Variants in PRELID3B observed in about 807,000 individuals in gnomAD.
PRELID3B encodes PRELI domain containing 3B.
PRELID3B carries 15 observed loss-of-function variants against 24.0 expected under a neutral mutation model. That is an observed-to-expected ratio of 0.63 (90% CI 0.42 to 0.96). PRELID3B has a LOEUF of 0.96. PRELID3B is among the 40% of genes least tolerant of loss of function. PRELID3B has a pLI of 0.00. For missense variants in PRELID3B, 189 were observed against 236.0 expected (o/e 0.80, Z 1.30); for synonymous variants, 62 against 76.0 (o/e 0.82, Z 0.96).
rs767152423 is a variant in PRELID3B, at chr20:59,040,385, C to T, written c.33-1751G>A. Among the ~76,000 whole-genome samples, 1 of 152,222 alleles carries T rather than the reference C, an allele frequency of 6.6e-6. No individual in the cohort carries two copies. Among genetic ancestry groups the T allele is most frequent in the South Asian group, 2.1e-4 (1 of 4,836 alleles). ...GAGGACCTGGCTATGGCTCACTGAC[C>T]GGTCCAACTTCTTCACCTTTGAAAC... On this transcript the variant is annotated intron_variant, in intron 1 of 5. Transcript: ENST00000355937. The surrounding 1 kb of genome is among the most constrained non-coding windows in gnomAD (Gnocchi z 4.1).
chr20:59,035,809 C>T lies in PRELID3B; in HGVS notation c.465+662G>A, dbSNP rs187261762. 2.6e-5 allele frequency among the ~76,000 whole-genome samples: 4 copies of T among 152,324 alleles called. No homozygotes were observed. In the East Asian group the frequency reaches 7.7e-4, roughly 29 times the overall value. On this transcript the variant is annotated intron_variant, in intron 5 of 5. Coordinates refer to ENST00000355937, the MANE Select transcript of PRELID3B (RefSeq NM_016045.3). Reference sequence around the variant, plus strand: ...CATTTGTTTTGCTCCCTGCTGTATACCCTGTCTAGCCTAGCACTCTGCATG... The same window carrying T: ...CATTTGTTTTGCTCCCTGCTGTATATCCTGTCTAGCCTAGCACTCTGCATG...
Position 59,038,363 on chromosome 20 carries a change from A to G in PRELID3B, c.201+103T>C. 4 of 937,558 alleles carry G rather than the reference A, an allele frequency of 4.3e-6. No homozygotes were observed. In the South Asian group the frequency reaches 8.9e-5, roughly 21 times the overall value. The allele number at this position is 937,558 out of a possible 1,614,324, so 58.1% of individuals were successfully genotyped here. On this transcript the variant is annotated intron_variant, in intron 2 of 5. Transcript: ENST00000355937. ...AATACAACTTGAACGGATGCAAAAA[A>G]TGACATTCAGAATCGGCTCCCACAA... is the stretch of plus-strand genomic sequence containing the variant.
chr20:59,038,750 GT>G, intron 1 of PRELID3B, 116 bp from the exon 2 acceptor site: 1 of 1,290,826 alleles, frequency 7.7e-7, no homozygotes, highest in Non-Finnish European at 1.0e-6. Context: ...AGTTTAATGA[GT>G]TTACCTAGGA....
chr20:59,036,520 C>A lies in PRELID3B; in HGVS notation c.416G>T (p.Ser139Ile). The change falls in exon 5 of 6, where the codon AGT (serine) becomes ATT (isoleucine). Residue 139 changes from serine to isoleucine, a missense_variant. Physicochemically the swap from Ser to Ile is moderately radical, Grantham distance 142. Coordinates refer to ENST00000355937, the MANE Select transcript of PRELID3B (RefSeq NM_016045.3). ...IITVKGVSLS[S>I]YLEGLMASTI... is the part of the protein sequence containing the mutation. Reference sequence around the variant, plus strand: ...ACTTGCCATCAGTCCTTCAAGGTAACTGCTGAGGCTAACTCCTTTCACGGT... The same window carrying A: ...ACTTGCCATCAGTCCTTCAAGGTAAATGCTGAGGCTAACTCCTTTCACGGT... The A allele has an allele frequency of 6.2e-7, 1 of 1,614,220 alleles. No individual in the cohort carries two copies. Among genetic ancestry groups the A allele is most frequent in the Non-Finnish European group, 8.5e-7 (1 of 1,180,030 alleles).
chr20:59,035,239 G>A, intron 5 of PRELID3B, 113 bp from the exon 6 acceptor site: 1 of 948,130 alleles, frequency 1.1e-6, no homozygotes, highest in Non-Finnish European at 1.5e-6. Flanking sequence ...TCAATCTCAG[G>A]ATGACAGATC....
In PRELID3B at chr20:59,036,593, C is replaced by T; in HGVS notation, c.363-20G>A. ...ACAGTTCTGGAACAAAACATATTCA[C>T]ACAGGTTCAGATGACCCAGCTTTCA... On this transcript the variant is annotated intron_variant, in intron 4 of 5. Coordinates refer to ENST00000355937, the MANE Select transcript of PRELID3B (RefSeq NM_016045.3). 1 of 1,605,562 alleles carries T rather than the reference C, an allele frequency of 6.2e-7. No homozygotes were observed. The highest frequency in any genetic ancestry group is 1.1e-5 in the South Asian group (1 of 90,920).
chr20:59,037,471 GAC>G (rs992360410), intron 2 of PRELID3B, among the ~76,000 whole-genome samples, 191 bp from the exon 3 acceptor site: 2 of 152,234 alleles, frequency 1.3e-5, no homozygotes, highest in Admixed American at 6.5e-5. Flanking sequence ...GAGACTGCCA[GAC>G]ACAAAAACTT....
chr20:59,036,351 G>C, intron 5 of PRELID3B, 120 bp downstream of exon 5: 1 of 730,418 alleles, frequency 1.4e-6, no homozygotes, highest in South Asian at 1.6e-5. Context: ...CCAACGTGCT[G>C]CAGTTTCCTA....
intron 2 of PRELID3B, among the ~76,000 whole-genome samples, chr20:59,037,712 G>C (rs530880751): frequency 6.6e-6 from 1 of 152,354 alleles, no homozygotes; most frequent in East Asian, 1.9e-4. Flanking sequence ...GAAAAACAGC[G>C]TTCTTACGAT....
intron 5 of PRELID3B, among the ~76,000 whole-genome samples, chr20:59,035,723 C>A (rs2092067027): frequency 1.3e-5 from 2 of 152,192 alleles, no homozygotes; most frequent in East Asian, 1.9e-4. Flanking sequence ...CCTTTTCTTT[C>A]CTAATTACAT....
At chr20:59,036,015 TATATG>T (rs1340925670) in intron 5 of PRELID3B, among the ~76,000 whole-genome samples, 2 of 152,198 alleles carry the variant, frequency 1.3e-5, no homozygotes, top group Non-Finnish European at 1.5e-5. Flanking sequence ...CACACATATG[TATATG>T]ATATATGACT....
At chr20:59,042,049 C>T (rs1568699842) in intron 1 of PRELID3B, among the ~76,000 whole-genome samples, 1 of 152,234 alleles carries the variant, frequency 6.6e-6, no homozygotes, top group East Asian at 1.9e-4. Flanking sequence ...AGAGCTAACA[C>T]GGGTAGGCCC....
rs114946292 is a variant in PRELID3B, at chr20:59,042,270, T to C, written c.32+429A>G. ...CCACCCAAACGGCGGCCAGGGAAAG[T>C]ACACTCTGGAGAAAACCAACACCTC... On this transcript the variant is annotated intron_variant, in intron 1 of 5. Coordinates refer to ENST00000355937, the MANE Select transcript of PRELID3B (RefSeq NM_016045.3). Among the ~76,000 whole-genome samples the C allele has an allele frequency of 7.1e-3, 1,087 of 152,322 alleles. 17 individuals are homozygous for C. The highest frequency in any genetic ancestry group is 0.025 in the African/African-American group (1,052 of 41,572).
chr20:59,039,137 A>G (rs2092094832), intron 1 of PRELID3B, among the ~76,000 whole-genome samples: 1 of 152,228 alleles, frequency 6.6e-6, no homozygotes, highest in South Asian at 2.1e-4. Context: ...TGATTTAATT[A>G]TTGAACTTTC....
rs2092090240 is a variant in PRELID3B at position 59,038,568 on chromosome 20, C to T, written c.99G>A (p.Val33=). ...QKYPNPMNPS[V]VGVDVLDRHI... is the part of the protein sequence containing the mutation. Reference sequence around the variant, plus strand: ...GTCTGTCCAACACATCAACTCCAACCACACTTGGGTTCATAGGGTTTGGGT... The same window carrying T: ...GTCTGTCCAACACATCAACTCCAACTACACTTGGGTTCATAGGGTTTGGGT... The change falls in exon 2 of 6, where the codon GTG becomes GTA. Residue 33 remains valine (V), a synonymous_variant. Coordinates refer to ENST00000355937, the MANE Select transcript of PRELID3B (RefSeq NM_016045.3). 2 of 1,613,636 alleles carry T rather than the reference C, an allele frequency of 1.2e-6. No individual in the cohort carries two copies. Among genetic ancestry groups the T allele is most frequent in the Non-Finnish European group, 1.7e-6 (2 of 1,179,846 alleles).
chr20:59,042,430 A>G (rs990524613), intron 1 of PRELID3B, among the ~76,000 whole-genome samples: 9 of 152,124 alleles, frequency 5.9e-5, no homozygotes, highest in Non-Finnish European at 1.2e-4. Context: ...AGGCTACCTC[A>G]TGGTGGGGGA....
At chr20:59,035,270 T>A in intron 5 of PRELID3B, 144 bp from the exon 6 acceptor site, 1 of 676,290 alleles carries the variant, frequency 1.5e-6, no homozygotes, top group South Asian at 2.7e-5. Context: ...TGGCTTTTTC[T>A]AATGTTATTT....
At chr20:59,042,563 G>A (rs2092118295) in intron 1 of PRELID3B, 136 bp downstream of exon 1, 2 of 951,018 alleles carry the variant, frequency 2.1e-6, no homozygotes. Context: ...GTGTCGCCGG[G>A]GCCCGCAGGC....
chr20:59,038,644 T>G lies in PRELID3B; in HGVS notation c.33-10A>C. The G allele has an allele frequency of 1.4e-6, 2 of 1,425,236 alleles. No individual in the cohort carries two copies. The highest frequency in any genetic ancestry group is 2.8e-5 in the Admixed American group (1 of 35,164). 88.3% of individuals were successfully genotyped at this position (1,425,236 alleles called of 1,614,324 possible). ...AGTTTCCCACGGGTGGCTGCCGATG[T>G]GAACCAAAAAAAAAAAAAAAAAAAT... On this transcript the variant is annotated splice_polypyrimidine_tract_variant and intron_variant, in intron 1 of 5. Transcript: ENST00000355937.
Sources: allele counts gnomAD v4.1 joint callset (sites outside exome capture counted in the v4.1 genomes callset), GRCh38; gene constraint gnomAD v4.1.1; non-coding constraint Gnocchi (gnomAD v3.1); transcripts MANE v1.5; gene names NCBI Gene and HGNC (gene_info 2026-07-23, HGNC 2026-07-21).